RDX: variants seen among roughly 807,000 people sequenced by gnomAD.
The protein encoded by RDX is radixin.
Under a neutral mutation model 83.7 loss-of-function variants are expected in RDX, and 32 were observed. The observed-to-expected ratio is 0.38, with a 90% CI of 0.29 to 0.51. RDX has a LOEUF of 0.51. Ranked by LOEUF, RDX falls within the 20% of genes least tolerant of loss-of-function variation. The pLI is 0.87. For missense variants in RDX, 600 were observed against 689.9 expected (o/e 0.87, Z 1.46); for synonymous variants, 229 against 222.7 (o/e 1.03, Z -0.25).
chr11:110,220,878 T>TAAAAAAAAAAAAAAAAAAAAAAAAAAAA (rs386374875), intron 14 of RDX, among the ~76,000 whole-genome samples: 1 of 109,338 alleles, frequency 9.1e-6, no homozygotes, highest in Non-Finnish European at 1.9e-5. Context: ...ACAGCCTCTG[T>TAAAAAAAAAAAAAAAAAAAAAAAAAAAA]AAAAAAAAAA....
downstream of RDX, among the ~76,000 whole-genome samples, chr11:110,228,434 G>A (rs1864501814): frequency 6.6e-6 from 1 of 152,036 alleles, no homozygotes; most frequent in African/African-American, 2.4e-5. Flanking sequence ...AGACTTAAGA[G>A]AGGAACCTAA....
At chr11:110,205,565 G>A (rs1362091815) in intron 14 of RDX, among the ~76,000 whole-genome samples, 1 of 151,374 alleles carries the variant, frequency 6.6e-6, no homozygotes, top group Non-Finnish European at 1.5e-5. Flanking sequence ...GAATTAACTG[G>A]ATCAAGATAA....
chr11:110,238,327 A>C (rs1864944452), intron 10 of RDX, among the ~76,000 whole-genome samples: 1 of 152,226 alleles, frequency 6.6e-6, no homozygotes, highest in African/African-American at 2.4e-5. Context: ...TAGATCACTA[A>C]ATCAACTCTT....
At chr11:110,258,629 C>T (rs1591159602) in intron 5 of RDX, among the ~76,000 whole-genome samples, 1 of 152,020 alleles carries the variant, frequency 6.6e-6, no homozygotes, top group East Asian at 1.9e-4. Flanking sequence ...AGGAATAAAA[C>T]ATTAGATAAA....
chr11:110,296,075 G>A (rs1439532960), intron 1 of RDX, among the ~76,000 whole-genome samples: 1 of 152,228 alleles, frequency 6.6e-6, no homozygotes, highest in Non-Finnish European at 1.5e-5. Flanking sequence ...ATGCCAGCCC[G>A]GGCCCGGGGC....
chr11:110,207,285 T>C lies in RDX; in HGVS notation c.1749-7607A>G, dbSNP rs74743391. Among the ~76,000 whole-genome samples, 866 of 152,240 alleles carry C rather than the reference T, an allele frequency of 5.7e-3. 4 individuals carry two copies. The highest frequency in any genetic ancestry group is 0.019 in the African/African-American group (770 of 41,560). On this transcript the variant is annotated intron_variant, in intron 14 of 15. Coordinates refer to the RDX transcript ENST00000528498. ...CACCGCACCTGGCCATAAATGCACA[T>C]TCTTGAGCAGCTGCATAGATCTACT...
intron 1 of RDX, chr11:110,288,480 C>T (rs1861075983): frequency 1.3e-5 from 2 of 152,126 alleles, no homozygotes; most frequent in Admixed American, 6.5e-5. Flanking sequence ...AATGGGAAAA[C>T]AGGTTCATGC....
downstream of RDX, among the ~76,000 whole-genome samples, chr11:110,228,342 GACCACATTAGAATATTTGATAGGTT>G (rs1340306069): frequency 2.0e-5 from 3 of 151,990 alleles, no homozygotes; most frequent in Non-Finnish European, 4.4e-5. Context: ...CCATCTGACA[GACCACATTAGAATATTTGATAGGTT>G]AAAAAAATGG....
chr11:110,176,379 C>T (rs1862774502), intron 15 of RDX, among the ~76,000 whole-genome samples: 1 of 152,108 alleles, frequency 6.6e-6, no homozygotes, highest in South Asian at 2.1e-4. Flanking sequence ...CCAGCTTTTA[C>T]AAACCCCAGA....
intron 1 of RDX, among the ~76,000 whole-genome samples, chr11:110,292,433 G>C (rs1257992945): frequency 6.6e-6 from 1 of 152,084 alleles, no homozygotes; most frequent in Non-Finnish European, 1.5e-5. Context: ...TAGTGCCACT[G>C]CACTCCAGCT....
In RDX at chr11:110,230,377, C is replaced by A. The variant is rs1864577151; in HGVS notation, c.*1492G>T. 1 of 151,764 alleles carries A rather than the reference C, an allele frequency of 6.6e-6. No homozygotes were observed. Among genetic ancestry groups the A allele is most frequent in the African/African-American group, 2.4e-5 (1 of 41,314 alleles). The allele number at this position is 151,764 out of a possible 1,614,324, so 9.4% of individuals were successfully genotyped here. ...AAAGATTTCTTCAGTAAGCTATAAC[C>A]GAAATTAATATAAACTAAAATTATA... On this transcript the variant is annotated 3_prime_UTR_variant, in exon 14 of 14. Transcript: ENST00000645495.
In RDX at chr11:110,257,772, G is replaced by T. The variant is rs1859604247; in HGVS notation, c.693C>A (p.Asp231Glu). The change falls in exon 7 of 14, where the codon GAC becomes GAA. Residue 231 changes from aspartate (D) to glutamate (E), a missense_variant. Transcript: ENST00000645495. ...DALGLNIYEH[D>E]DKLTPKIGFP... Reference sequence around the variant, plus strand: ...TATGCAACTAATTTACTTACTTGTCGTCATGCTCATAAATATTCAGACCCA... The same window carrying T: ...TATGCAACTAATTTACTTACTTGTCTTCATGCTCATAAATATTCAGACCCA... The T allele has an allele frequency of 6.2e-7, 1 of 1,611,532 alleles. No individual in the cohort carries two copies. The highest frequency in any genetic ancestry group is 8.5e-7 in the Non-Finnish European group (1 of 1,179,578).
chr11:110,226,024 T>A (rs1356044353), downstream of RDX, among the ~76,000 whole-genome samples: 1 of 139,938 alleles, frequency 7.1e-6, no homozygotes, highest in African/African-American at 2.7e-5. Context: ...CAAAATCGCA[T>A]CACTGCACTC....
chr11:110,214,950 C>A (rs1415797906), intron 14 of RDX, among the ~76,000 whole-genome samples: 1 of 146,644 alleles, frequency 6.8e-6, no homozygotes, highest in Admixed American at 6.9e-5. Flanking sequence ...ATGTAACTAA[C>A]CTGCACAATG....
downstream of RDX, among the ~76,000 whole-genome samples, chr11:110,228,722 A>G (rs1462478569): frequency 3.3e-5 from 5 of 151,888 alleles, no homozygotes; most frequent in African/African-American, 1.2e-4. Context: ...AAACACAATA[A>G]TATTGAAACA....
intron 12 of RDX, among the ~76,000 whole-genome samples, chr11:110,234,730 G>C (rs1864773160): frequency 6.6e-6 from 1 of 152,066 alleles, no homozygotes; most frequent in African/African-American, 2.4e-5. Flanking sequence ...GAAATTAACA[G>C]TAGCATTCCT....
chr11:110,264,989 T>C (rs1859968557), intron 3 of RDX, 115 bp from the exon 4 acceptor site: 2 of 659,378 alleles, frequency 3.0e-6, no homozygotes, highest in Non-Finnish European at 5.1e-6. Flanking sequence ...TATATTCCTT[T>C]GCCATAGAAA....
At position 110,272,515 on chromosome 11, in the gene RDX, A is replaced by G. The variant is rs760787570; in HGVS notation, c.96+21T>C. ...TTCACACTATGGTGTCAAAAGTTGCATATTTCATGCAGTGTAATACCTGGT... is the reference window on the plus strand; with the variant it reads ...TTCACACTATGGTGTCAAAAGTTGCGTATTTCATGCAGTGTAATACCTGGT... On this transcript the variant is annotated intron_variant, in intron 3 of 13. Transcript: ENST00000645495. 2.6e-6 allele frequency: 4 copies of G among 1,517,804 alleles called. No individual in the cohort carries two copies. The Admixed American group carries it at 6.7e-5, about 25-fold the overall frequency. 94.0% of individuals were successfully genotyped at this position (1,517,804 alleles called of 1,614,324 possible).
intron 15 of RDX, among the ~76,000 whole-genome samples, chr11:110,194,248 C>A (rs1863157967): frequency 6.6e-6 from 1 of 152,198 alleles, no homozygotes; most frequent in Non-Finnish European, 1.5e-5. Context: ...TTTGCCCCTG[C>A]CATAGGGTAA....
Sources: gnomAD v4.1 joint callset for allele counts (sites outside exome capture counted in the v4.1 genomes callset) on GRCh38, gnomAD v4.1.1 for gene constraint, MANE v1.5 for transcripts, NCBI Gene and HGNC (gene_info 2026-07-23, HGNC 2026-07-21) for gene names.